Variants in PCCA observed in about 807,000 individuals in gnomAD.
PCCA encodes propionyl-CoA carboxylase subunit alpha, also known as propionyl-CoA carboxylase alpha chain, mitochondrial.
In PCCA, 74 loss-of-function variants were observed where a neutral mutation model predicts 101.3. The ratio of observed to expected loss-of-function variants is 0.73; its 90% confidence interval spans 0.61 to 0.89. PCCA has a LOEUF of 0.89. Among genes scored for constraint, PCCA ranks in the 40% least tolerant of loss-of-function variants. The pLI, the probability that PCCA is intolerant of heterozygous loss-of-function variation, is 0.00. For missense variants in PCCA, 891 were observed against 907.0 expected, an observed-to-expected ratio of 0.98 and a Z score of 0.23; for synonymous variants, 294 against 313.6, an observed-to-expected ratio of 0.94 and a Z score of 0.66.
At chr13:100,213,463 G>T (rs140914445) in intron 7 of PCCA, among the ~76,000 whole-genome samples, 2 of 152,066 alleles carry the variant, frequency 1.3e-5, no homozygotes, top group South Asian at 4.1e-4. Flanking sequence ...TCATTGTATT[G>T]CATTTCTCTG....
At position 100,381,383 on chromosome 13, in the gene PCCA, C is replaced by T. The variant is rs952728614; in HGVS notation, c.1746+12809C>T. Among the ~76,000 whole-genome samples, 15 of 144,102 alleles carry T rather than the reference C, an allele frequency of 1.0e-4. No homozygotes were observed. In the East Asian group the frequency reaches 1.8e-3, roughly 18 times the overall value. The allele number at this position is 144,102 out of a possible 152,430, so 94.5% of individuals were successfully genotyped here. A position where few individuals can be genotyped will look rare whatever the true frequency, so the allele number is the denominator to read the frequency against. ...CAGCCTGGGCGATAGAGCGAGACTC[C>T]GTCTCAAAAAAAAAAAAAAAAAAGT... On this transcript the variant is annotated intron_variant, in intron 19 of 23. Coordinates refer to ENST00000376285, the MANE Select transcript of PCCA (RefSeq NM_000282.4).
At chr13:100,116,656 A>G (rs1034664937) in intron 4 of PCCA, among the ~76,000 whole-genome samples, 1 of 137,834 alleles carries the variant, frequency 7.3e-6, no homozygotes, top group African/African-American at 2.5e-5. Flanking sequence ...TTTTATAAGT[A>G]TAACTTTTGC....
chr13:100,395,232 A>G (rs183332224), intron 19 of PCCA, among the ~76,000 whole-genome samples: 4 of 152,312 alleles, frequency 2.6e-5, no homozygotes, highest in South Asian at 4.1e-4. Context: ...TAGCCCACAA[A>G]TTATTTTGGT....
chr13:100,432,231 C>T (rs1357084001), intron 20 of PCCA, among the ~76,000 whole-genome samples: 10 of 152,174 alleles, frequency 6.6e-5, no homozygotes, highest in Non-Finnish European at 1.5e-4. Context: ...TGCTTCTCTT[C>T]CCTTACTACC....
intron 6 of PCCA, among the ~76,000 whole-genome samples, chr13:100,164,719 C>G (rs1179104467): frequency 3.3e-5 from 5 of 152,108 alleles, no homozygotes; most frequent in Admixed American, 1.3e-4. Context: ...AAAATTTACC[C>G]TTTCACCAAT....
At chr13:100,246,231 A>AT (rs1403632088) in intron 8 of PCCA, among the ~76,000 whole-genome samples, 1 of 152,072 alleles carries the variant, frequency 6.6e-6, no homozygotes, top group African/African-American at 2.4e-5. Flanking sequence ...TTTGAGATAT[A>AT]TTTTTCATGA....
intron 19 of PCCA, among the ~76,000 whole-genome samples, chr13:100,400,627 G>GTTTTTTTTTTTTTTTTTT (rs763331038): frequency 2.5e-5 from 2 of 80,244 alleles, no homozygotes; most frequent in African/African-American, 6.5e-5. Context: ...GTTCTTTTTA[G>GTTTTTTTTTTTTTTTTTT]TTCTTTTTTT....
intron 15 of PCCA, among the ~76,000 whole-genome samples, chr13:100,309,353 C>A (rs145160087): frequency 6.6e-6 from 1 of 152,148 alleles, no homozygotes; most frequent in African/African-American, 2.4e-5. Flanking sequence ...GCTGAGATTG[C>A]GCCACTGCCC....
At chr13:100,119,506 A>C (rs1297660485) in intron 4 of PCCA, among the ~76,000 whole-genome samples, 1 of 152,224 alleles carries the variant, frequency 6.6e-6, no homozygotes, top group African/African-American at 2.4e-5. Context: ...AAGATTGTCA[A>C]ATTTTGAAGA....
chr13:100,527,230 T>C, intron 22 of PCCA: 2 of 461,048 alleles, frequency 4.3e-6, no homozygotes, highest in South Asian at 1.6e-5. Flanking sequence ...TTTTGGAACA[T>C]TTTTATCACT....
chr13:100,214,037 A>C (rs1253989827), intron 7 of PCCA, among the ~76,000 whole-genome samples: 1 of 152,098 alleles, frequency 6.6e-6, no homozygotes, highest in African/African-American at 2.4e-5. Context: ...TGAATTCACT[A>C]TAGATATATG....
chr13:100,133,500 A>G (rs1221934674), intron 4 of PCCA, among the ~76,000 whole-genome samples: 2 of 152,064 alleles, frequency 1.3e-5, no homozygotes, highest in Non-Finnish European at 2.9e-5. Flanking sequence ...TTTCTTCAAG[A>G]TTTTTGTAGT....
chr13:100,237,053 A>G (rs937270172), intron 8 of PCCA: 3 of 152,182 alleles, frequency 2.0e-5, no homozygotes, highest in Admixed American at 2.0e-4. Context: ...CTGTTTTCTC[A>G]CTAAGATTAT....
At chr13:100,488,177 T>C (rs891896164) in intron 21 of PCCA, among the ~76,000 whole-genome samples, 18 of 152,226 alleles carry the variant, frequency 1.2e-4, no homozygotes, top group African/African-American at 4.1e-4. Context: ...CACCGCAACC[T>C]CTGCCCCCCA....
At chr13:100,117,603 TCA>T (rs1427408620) in intron 4 of PCCA, among the ~76,000 whole-genome samples, 1 of 151,838 alleles carries the variant, frequency 6.6e-6, no homozygotes, top group East Asian at 1.9e-4. Flanking sequence ...GTAGGGAACA[TCA>T]CACACTGTGT....
rs2088323591 is a variant in PCCA, at chr13:100,530,408, A to AATC, written c.*244_*246dup. ...GTGAGATTCCCTAGTGTCAAAATTAAATCAATAAAACTGAGCATTTGTCTA... is the reference window on the plus strand; with the variant it reads ...GTGAGATTCCCTAGTGTCAAAATTAAATCATCAATAAAACTGAGCATTTGTCTA... On this transcript the variant is annotated 3_prime_UTR_variant, in exon 24 of 24. Coordinates refer to ENST00000376285, the MANE Select transcript of PCCA (RefSeq NM_000282.4). 3.4e-6 allele frequency: 2 copies of AATC among 588,920 alleles called. No individual in the cohort carries two copies. Among genetic ancestry groups the AATC allele is most frequent in the Non-Finnish European group, 6.1e-6 (2 of 330,034 alleles). The allele number at this position is 588,920 out of a possible 1,614,324, so 36.5% of individuals were successfully genotyped here.
chr13:100,400,214 A>G (rs966284580), intron 19 of PCCA, among the ~76,000 whole-genome samples: 2 of 152,098 alleles, frequency 1.3e-5, no homozygotes, highest in African/African-American at 2.4e-5. Context: ...CTGTTTCTAT[A>G]TATGTTTGCA....
At chr13:100,436,705 T>A (rs2079963641) in intron 20 of PCCA, among the ~76,000 whole-genome samples, 1 of 152,254 alleles carries the variant, frequency 6.6e-6, no homozygotes, top group African/African-American at 2.4e-5. Context: ...CCTTTTGGAT[T>A]TGACTTTTAA....
At chr13:100,468,090 C>G (rs928942037) in intron 21 of PCCA, among the ~76,000 whole-genome samples, 4 of 152,186 alleles carry the variant, frequency 2.6e-5, no homozygotes, top group African/African-American at 9.7e-5. Flanking sequence ...TCCCAGGTAA[C>G]AAGGTGCATT....
Sources: gnomAD v4.1 joint callset for allele counts (sites outside exome capture counted in the v4.1 genomes callset) on GRCh38, gnomAD v4.1.1 for gene constraint, MANE v1.5 for transcripts, NCBI Gene and HGNC (gene_info 2026-07-23, HGNC 2026-07-21) for gene names.